Variants in CDH4 observed in about 807,000 individuals in gnomAD.
CDH4 encodes cadherin-4.
In CDH4, 33 loss-of-function variants were observed where a neutral mutation model predicts 86.0. The observed-to-expected ratio is 0.38, with a 90% CI of 0.29 to 0.51. The LOEUF is 0.51. CDH4 is among the 20% of genes least tolerant of loss of function. CDH4 has a pLI of 0.86. For missense variants in CDH4, 1,114 were observed against 1,307.4 expected (o/e 0.85, Z 2.28); for synonymous variants, 555 against 549.4 (o/e 1.01, Z -0.14).
chr20:61,794,616 T>C (rs1979427181), intron 4 of CDH4, among the ~76,000 whole-genome samples: 1 of 152,192 alleles, frequency 6.6e-6, no homozygotes, highest in Non-Finnish European at 1.5e-5. Flanking sequence ...CAGGCAGACA[T>C]GGGTGGGCAC....
chr20:61,619,331 T>C (rs2086751040), intron 2 of CDH4, among the ~76,000 whole-genome samples: 2 of 152,250 alleles, frequency 1.3e-5, no homozygotes, highest in Non-Finnish European at 2.9e-5. Context: ...CTTCCTGCTA[T>C]GTGATGTGGT....
At chr20:61,526,836 T>C (rs955065519) in intron 2 of CDH4, among the ~76,000 whole-genome samples, 1 of 152,172 alleles carries the variant, frequency 6.6e-6, no homozygotes, top group African/African-American at 2.4e-5. Flanking sequence ...TTAAAAAGGT[T>C]GCTGTCAAAA....
chr20:61,296,287 G>GCA (rs771304820), intron 2 of CDH4, among the ~76,000 whole-genome samples: 3 of 96,356 alleles, frequency 3.1e-5, no homozygotes, highest in Admixed American at 9.7e-5. Context: ...GTGGGTGCGT[G>GCA]TGTGTGTGTG....
chr20:61,460,192 T>C (rs186631020), intron 2 of CDH4, among the ~76,000 whole-genome samples: 2 of 152,278 alleles, frequency 1.3e-5, no homozygotes, highest in East Asian at 1.9e-4. Flanking sequence ...TAGCACATAA[T>C]AAACACTGAA....
chr20:61,353,696 C>CCCT (rs2084729528), intron 2 of CDH4, among the ~76,000 whole-genome samples: 9 of 3,594 alleles, frequency 2.5e-3, no homozygotes, highest in South Asian at 0.025. Context: ...CTCCTCCTCC[C>CCCT]CTCCTCCTCC....
chr20:61,299,014 CA>C (rs1397779586), intron 2 of CDH4, among the ~76,000 whole-genome samples: 1 of 152,094 alleles, frequency 6.6e-6, no homozygotes, highest in Admixed American at 6.5e-5. Flanking sequence ...TTGAATCTCC[CA>C]AAATGCCTTT....
chr20:61,864,550 C>T (rs1490579287), intron 6 of CDH4, among the ~76,000 whole-genome samples: 2 of 152,170 alleles, frequency 1.3e-5, no homozygotes, highest in Admixed American at 1.3e-4. Flanking sequence ...ATCCCAGGAT[C>T]CTGGAGCGGC....
intron 2 of CDH4, among the ~76,000 whole-genome samples, chr20:61,715,246 G>A (rs1388251493): frequency 2.0e-5 from 3 of 152,148 alleles, no homozygotes; most frequent in African/African-American, 7.2e-5. Flanking sequence ...GCTCACTTTT[G>A]ATGGGATTGT....
At chr20:61,523,369 G>A (rs146248057) in intron 2 of CDH4, among the ~76,000 whole-genome samples, 7 of 152,370 alleles carry the variant, frequency 4.6e-5, no homozygotes, top group South Asian at 2.1e-4. Flanking sequence ...CGTTTGCCAC[G>A]TGTGATGATT....
chr20:61,849,918 G>A (rs1403961859), intron 5 of CDH4, among the ~76,000 whole-genome samples: 1 of 152,084 alleles, frequency 6.6e-6, no homozygotes, highest in African/African-American at 2.4e-5. Flanking sequence ...GACATCCTTG[G>A]GGCCATCTTA....
chr20:61,664,387 G>T lies in CDH4; in HGVS notation c.170-79176G>T, dbSNP rs971233703. Among the ~76,000 whole-genome samples, 5 of 152,310 alleles carry T rather than the reference G, an allele frequency of 3.3e-5. No individual in the cohort carries two copies. The South Asian group carries it at 1.0e-3, about 32-fold the overall frequency. Reference sequence around the variant, plus strand: ...GACTCCTGGGCCTGGGAGTGGGGTGGGGGCAGAAACCACAGCTGGGGCATG... The same window carrying T: ...GACTCCTGGGCCTGGGAGTGGGGTGTGGGCAGAAACCACAGCTGGGGCATG... On this transcript the variant is annotated intron_variant, in intron 2 of 15. Transcript: ENST00000614565.
chr20:61,766,975 C>A (rs1206093742), intron 3 of CDH4, among the ~76,000 whole-genome samples: 1 of 152,248 alleles, frequency 6.6e-6, no homozygotes, highest in Non-Finnish European at 1.5e-5. Flanking sequence ...GTGGGATGGG[C>A]CCATCAAGAT....
At chr20:61,567,780 G>A (rs545654594) in intron 2 of CDH4, among the ~76,000 whole-genome samples, 14 of 152,086 alleles carry the variant, frequency 9.2e-5, no homozygotes, top group Non-Finnish European at 1.9e-4. Context: ...CTAGAAGTTC[G>A]AGACCAGCCT....
At chr20:61,314,587 T>C (rs1358205994) in intron 2 of CDH4, among the ~76,000 whole-genome samples, 1 of 152,238 alleles carries the variant, frequency 6.6e-6, no homozygotes, top group Non-Finnish European at 1.5e-5. Context: ...AACTTGGGAC[T>C]GCAGGGATCT....
At chr20:61,350,074 G>T (rs1032391044) in intron 2 of CDH4, among the ~76,000 whole-genome samples, 6 of 151,876 alleles carry the variant, frequency 4.0e-5, no homozygotes, top group Non-Finnish European at 8.8e-5. Flanking sequence ...GAATACCTCT[G>T]ACCTTGCCTC....
chr20:61,765,119 G>A (rs1347728572), intron 3 of CDH4, among the ~76,000 whole-genome samples: 2 of 152,154 alleles, frequency 1.3e-5, no homozygotes, highest in African/African-American at 2.4e-5. Flanking sequence ...GCCCCCTGAG[G>A]AAATGGCCCT....
rs73318375 is a variant in CDH4 at position 61,457,404 on chromosome 20, C to T, written c.169+202467C>T. Among the ~76,000 whole-genome samples, 1,278 of 152,292 alleles carry T rather than the reference C, an allele frequency of 8.4e-3. 21 individuals are homozygous for T. The highest frequency in any genetic ancestry group is 0.029 in the African/African-American group (1,219 of 41,552). ...GAGATGTGAACAGGATATAGAGCCA[C>T]CCTGAGAAATTCAACTCCCAAAGCA... On this transcript the variant is annotated intron_variant, in intron 2 of 15. Transcript: ENST00000614565.
chr20:61,440,403 G>C (rs1367860446), intron 2 of CDH4, among the ~76,000 whole-genome samples: 1 of 152,206 alleles, frequency 6.6e-6, no homozygotes, highest in Non-Finnish European at 1.5e-5. Context: ...CACAATGCTT[G>C]TTAGCCGCAA....
chr20:61,565,247 G>GCTCTTGGTGGTGGTGGTAGTGGTC lies in CDH4; in HGVS notation c.170-178307_170-178306insGTGGTGGTAGTGGTCCTCTTGGTG, dbSNP rs1184162372. On this transcript the variant is annotated intron_variant, in intron 2 of 15. Transcript: ENST00000614565. ...AGGTGGTGGTGGTGGTGGTGGCGGT[G>GCTCTTGGTGGTGGTGGTAGTGGTC]CTCTTGGTGATGGTGGTGGTGGTCC... 1.7e-4 allele frequency among the ~76,000 whole-genome samples: 20 copies of GCTCTTGGTGGTGGTGGTAGTGGTC among 116,382 alleles called. 2 individuals carry two copies. Among genetic ancestry groups the GCTCTTGGTGGTGGTGGTAGTGGTC allele is most frequent in the East Asian group, 7.1e-4 (3 of 4,254 alleles). 76.4% of individuals were successfully genotyped at this position (116,382 alleles called of 152,430 possible).
Sources: allele counts gnomAD v4.1 joint callset (sites outside exome capture counted in the v4.1 genomes callset), GRCh38; gene constraint gnomAD v4.1.1; transcripts MANE v1.5; gene names NCBI Gene and HGNC (gene_info 2026-07-23, HGNC 2026-07-21).